Variants in NLGN1 observed in about 807,000 individuals in gnomAD.
The protein encoded by NLGN1 is neuroligin 1.
Under a neutral mutation model 65.5 loss-of-function variants are expected in NLGN1, and 12 were observed. The observed-to-expected ratio is 0.18, with a 90% confidence interval of 0.12 to 0.30. The LOEUF is 0.30. NLGN1 is among the 10% of genes least tolerant of loss of function. The pLI, the probability that NLGN1 is intolerant of heterozygous loss-of-function variation, is 1.00. For missense variants in NLGN1, 750 were observed against 1,007.1 expected, an observed-to-expected ratio of 0.74 and a Z score of 3.46; for synonymous variants, 350 against 359.5, an observed-to-expected ratio of 0.97 and a Z score of 0.30.
intron 4 of NLGN1, among the ~76,000 whole-genome samples, chr3:174,121,246 G>T (rs1401261670): frequency 6.6e-6 from 1 of 152,164 alleles, no homozygotes; most frequent in Non-Finnish European, 1.5e-5. Context: ...AGCAAGTTCT[G>T]TCTGAGAGCC....
intron 4 of NLGN1, among the ~76,000 whole-genome samples, chr3:173,925,942 A>G (rs1742919003): frequency 6.6e-6 from 1 of 152,074 alleles, no homozygotes; most frequent in African/African-American, 2.4e-5. Flanking sequence ...AAGATTTTCA[A>G]AAAGCATACA....
chr3:173,991,385 A>G (rs1721068322), intron 4 of NLGN1, among the ~76,000 whole-genome samples: 1 of 152,190 alleles, frequency 6.6e-6, no homozygotes, highest in African/African-American at 2.4e-5. Context: ...AATATATTCA[A>G]TGACAAAACA....
At chr3:174,159,307 G>A (rs1277819535) in intron 4 of NLGN1, among the ~76,000 whole-genome samples, 1 of 151,596 alleles carries the variant, frequency 6.6e-6, no homozygotes, top group African/African-American at 2.4e-5. Context: ...TTTTTCAAGT[G>A]TTACTTAACT....
intron 3 of NLGN1, among the ~76,000 whole-genome samples, chr3:173,665,294 C>T (rs1283111723): frequency 4.6e-5 from 7 of 152,098 alleles, no homozygotes; most frequent in African/African-American, 1.2e-4. Context: ...CTGTGTTCTG[C>T]ACTTCTCCTT....
chr3:174,071,939 C>G (rs1289332947), intron 4 of NLGN1, among the ~76,000 whole-genome samples: 1 of 152,072 alleles, frequency 6.6e-6, no homozygotes, highest in Non-Finnish European at 1.5e-5. Context: ...TCTGGAAACC[C>G]TTCTGAAGAA....
intron 2 of NLGN1, among the ~76,000 whole-genome samples, chr3:173,572,051 G>A (rs960576609): frequency 7.2e-5 from 11 of 152,188 alleles, no homozygotes; most frequent in Admixed American, 1.3e-4. Context: ...TATCACTCAC[G>A]TTTTTCTGAA....
In NLGN1 at chr3:173,461,078, C is replaced by T. The variant is rs376839899; in HGVS notation, c.-321+26000C>T. ...CTCTAGAAACTATTGAGCACCAGGGCGGTCTATTATAAGCAAGGCAGATAT... is the reference window on the plus strand; with the variant it reads ...CTCTAGAAACTATTGAGCACCAGGGTGGTCTATTATAAGCAAGGCAGATAT... On this transcript the variant is annotated intron_variant, in intron 2 of 6. Transcript: ENST00000457714. 1.3e-4 allele frequency among the ~76,000 whole-genome samples: 20 copies of T among 152,194 alleles called. 1 individual carries two copies. Among genetic ancestry groups the T allele is most frequent in the African/African-American group, 3.6e-4 (15 of 41,542 alleles).
intron 2 of NLGN1, among the ~76,000 whole-genome samples, chr3:173,563,276 G>A (rs902496594): frequency 2.0e-5 from 3 of 152,104 alleles, no homozygotes; most frequent in South Asian, 2.1e-4. Context: ...AAAAATTTAC[G>A]AACATAAGAA....
At chr3:174,248,446 C>T (rs563077845) in intron 4 of NLGN1, among the ~76,000 whole-genome samples, 98 of 152,228 alleles carry the variant, frequency 6.4e-4, no homozygotes, top group African/African-American at 2.3e-3. Context: ...GGATGCATTG[C>T]ATAATAAAGA....
intron 4 of NLGN1, among the ~76,000 whole-genome samples, chr3:174,179,980 T>G (rs1361902925): frequency 6.6e-6 from 1 of 152,080 alleles, no homozygotes; most frequent in Non-Finnish European, 1.5e-5. Flanking sequence ...TGCAAAACAG[T>G]GATAGAATTA....
intron 4 of NLGN1, among the ~76,000 whole-genome samples, chr3:173,821,291 A>C (rs939022074): frequency 5.9e-5 from 9 of 152,192 alleles, no homozygotes; most frequent in Non-Finnish European, 1.0e-4. Flanking sequence ...TGGAGAAGTC[A>C]GTTCTCTCAG....
chr3:173,530,662 G>A (rs1456946191), intron 2 of NLGN1, among the ~76,000 whole-genome samples: 1 of 152,086 alleles, frequency 6.6e-6, no homozygotes, highest in East Asian at 1.9e-4. Context: ...TTATTGAGTT[G>A]TTATTTAAAG....
At chr3:174,028,509 A>G (rs1456049379) in intron 4 of NLGN1, among the ~76,000 whole-genome samples, 1 of 152,194 alleles carries the variant, frequency 6.6e-6, no homozygotes, top group Non-Finnish European at 1.5e-5. Flanking sequence ...GAGAAAGATG[A>G]TTTAGGACAT....
intron 1 of NLGN1, among the ~76,000 whole-genome samples, chr3:173,415,890 A>AATATATATATGT (rs1713603089): frequency 7.4e-6 from 1 of 134,922 alleles, no homozygotes; most frequent in Non-Finnish European, 1.5e-5. Context: ...GCAAGGAGTA[A>AATATATATATGT]ATATATATAT....
intron 3 of NLGN1, among the ~76,000 whole-genome samples, chr3:173,765,474 A>G (rs1778643080): frequency 6.6e-6 from 1 of 152,188 alleles, no homozygotes; most frequent in African/African-American, 2.4e-5. Context: ...AGGAGAAAAA[A>G]ATAACTGGAC....
At chr3:174,089,126 A>G (rs1302114674) in intron 4 of NLGN1, among the ~76,000 whole-genome samples, 1 of 152,230 alleles carries the variant, frequency 6.6e-6, no homozygotes, top group African/African-American at 2.4e-5. Flanking sequence ...CAGTCAATAG[A>G]TCCCAACTCA....
chr3:173,672,924 T>C (rs1475281374), intron 3 of NLGN1, among the ~76,000 whole-genome samples: 1 of 152,150 alleles, frequency 6.6e-6, no homozygotes, highest in Non-Finnish European at 1.5e-5. Flanking sequence ...GGAGTCACTG[T>C]AGGTTTTTGC....
At chr3:174,261,177 TG>T (rs1746827623) in intron 4 of NLGN1, among the ~76,000 whole-genome samples, 2 of 150,704 alleles carry the variant, frequency 1.3e-5, no homozygotes, top group East Asian at 2.0e-4. Flanking sequence ...GGCTCTTTTT[TG>T]GTTCCATATG....
intron 1 of NLGN1, among the ~76,000 whole-genome samples, chr3:173,409,512 A>G (rs754081402): frequency 7.2e-5 from 11 of 152,034 alleles, no homozygotes; most frequent in East Asian, 1.9e-4. Context: ...ATCAGTCCAT[A>G]TATTTTTTTG....
Sources: allele counts gnomAD v4.1 joint callset (sites outside exome capture counted in the v4.1 genomes callset), GRCh38; gene constraint gnomAD v4.1.1; transcripts MANE v1.5; gene names NCBI Gene and HGNC (gene_info 2026-07-23, HGNC 2026-07-21).